GALNT18: variants seen among roughly 807,000 people sequenced by gnomAD.
GALNT18 encodes polypeptide N-acetylgalactosaminyltransferase 18, also known as GalNAc-transferase 18.
A neutral mutation model predicts 69.5 loss-of-function variants in GALNT18; 44 were observed. That is an observed-to-expected ratio of 0.63 (90% CI 0.50 to 0.81). GALNT18 has a LOEUF of 0.81. GALNT18 is among the 40% of genes least tolerant of loss of function. GALNT18 has a pLI of 0.00. For synonymous variants in GALNT18, 364 were observed against 318.2 expected (o/e 1.14, Z -1.53); for missense variants, 715 against 810.0 (o/e 0.88, Z 1.42).
chr11:11,327,181 G>C lies in GALNT18; in HGVS notation c.1417C>G (p.Leu473Val). 1 of 1,610,614 alleles carries C rather than the reference G, an allele frequency of 6.2e-7. No individual in the cohort carries two copies. The highest frequency in any genetic ancestry group is 1.1e-5 in the South Asian group (1 of 90,994). ...AAATCAGTCTTCAGAGAATTCTGCAGCTGAACATCAGAGAACAGATGGCCA... is the reference window on the plus strand; with the variant it reads ...AAATCAGTCTTCAGAGAATTCTGCACCTGAACATCAGAGAACAGATGGCCA... ...MYSDIIAYGVLQNSLKTDLCL... is the reference protein window; with the variant it reads ...MYSDIIAYGVVQNSLKTDLCL... The change falls in exon 9 of 11, where the codon CTG becomes GTG. Residue 473 changes from leucine to valine, a missense_variant and splice_region_variant. By Grantham distance (32) the Leu-to-Val change is conservative (BLOSUM62 1). Transcript: ENST00000227756.
In GALNT18 at chr11:11,352,084, C is replaced by T. The variant is rs74507390; in HGVS notation, c.1093-11080G>A. On this transcript the variant is annotated intron_variant, in intron 6 of 10. Coordinates refer to ENST00000227756, the MANE Select transcript of GALNT18 (RefSeq NM_198516.3). ...CCTGACATCACATTGGCGCTGCTGA[C>T]GGGCGTACTGCCCCCTGGCATGCTA... The T allele has an allele frequency of 7.1e-3, 11,526 of 1,613,524 alleles. 668 individuals are homozygous for T. The African/African-American group carries it at 0.13, about 19-fold the overall frequency.
intron 1 of GALNT18, among the ~76,000 whole-genome samples, chr11:11,514,189 T>C (rs1213416668): frequency 1.3e-5 from 2 of 152,236 alleles, no homozygotes; most frequent in East Asian, 3.8e-4. Flanking sequence ...AAGTCACTTA[T>C]CTAAGTCACA....
intron 10 of GALNT18, among the ~76,000 whole-genome samples, chr11:11,292,379 G>C (rs1280872540): frequency 6.6e-6 from 1 of 152,134 alleles, no homozygotes; most frequent in Non-Finnish European, 1.5e-5. Context: ...GCTACTAGGG[G>C]CCAGTGAAGA....
chr11:11,531,930 G>A (rs916048128), intron 1 of GALNT18, among the ~76,000 whole-genome samples: 2 of 152,194 alleles, frequency 1.3e-5, no homozygotes, highest in Non-Finnish European at 2.9e-5. Context: ...GCACGTGTGT[G>A]TGAGTGCAGG....
rs2133782621 is a variant in GALNT18 at position 11,425,606 on chromosome 11, G to A, written c.595+7015C>T. Among the ~76,000 whole-genome samples, 3 of 151,862 alleles carry A rather than the reference G, an allele frequency of 2.0e-5. No individual in the cohort carries two copies. In the South Asian group the frequency reaches 6.2e-4, roughly 32 times the overall value. ...AAAAAGGAAGCAGAAACTGACTACA[G>A]CAAAGAAAACTTTTTTTTTTTCCCC... On this transcript the variant is annotated intron_variant, in intron 3 of 10. Coordinates refer to ENST00000227756, the MANE Select transcript of GALNT18 (RefSeq NM_198516.3).
chr11:11,397,194 G>C (rs1024538498), intron 3 of GALNT18, among the ~76,000 whole-genome samples: 1 of 152,148 alleles, frequency 6.6e-6, no homozygotes, highest in Non-Finnish European at 1.5e-5. Context: ...CACCCACAAA[G>C]AATTGAGTGG....
chr11:11,279,654 A>T (rs994273917), intron 10 of GALNT18, among the ~76,000 whole-genome samples: 1 of 152,164 alleles, frequency 6.6e-6, no homozygotes, highest in Non-Finnish European at 1.5e-5. Flanking sequence ...AATACAAACA[A>T]ACATTATTCT....
chr11:11,316,671 A>G (rs1015952948), intron 9 of GALNT18, among the ~76,000 whole-genome samples: 2 of 152,224 alleles, frequency 1.3e-5, no homozygotes, highest in Admixed American at 6.5e-5. Flanking sequence ...TTTCCATAGA[A>G]AAAGCACTCC....
chr11:11,605,382 A>G lies in GALNT18; in HGVS notation c.235+15977T>C, dbSNP rs985395215. Among the ~76,000 whole-genome samples the G allele has an allele frequency of 6.6e-6, 1 of 152,184 alleles. No individual in the cohort carries two copies. Among genetic ancestry groups the G allele is most frequent in the Non-Finnish European group, 1.5e-5 (1 of 68,042 alleles). ...TCTCTCAGCTCCCTCTCCTCACTGC[A>G]GACCTTTCCCGACACCTGTCTCCTG... On this transcript the variant is annotated intron_variant, in intron 1 of 10. Coordinates refer to ENST00000227756, the MANE Select transcript of GALNT18 (RefSeq NM_198516.3). The surrounding 1 kb of genome is among the most constrained non-coding windows in gnomAD (Gnocchi z 4.7).
At position 11,596,086 on chromosome 11, in the gene GALNT18, T is replaced by A. The variant is rs528904752; in HGVS notation, c.235+25273A>T. ...TGGATAGAGTGAGATGGGGGACAAC[T>A]TTATTCTTAACATGTAGATATCCAG... On this transcript the variant is annotated intron_variant, in intron 1 of 10. Coordinates refer to ENST00000227756, the MANE Select transcript of GALNT18 (RefSeq NM_198516.3). This position sits in a 1 kb window ranked among gnomAD's most constrained non-coding sequence, Gnocchi z 4.2. 6.6e-6 allele frequency among the ~76,000 whole-genome samples: 1 copy of A among 152,304 alleles called. No homozygotes were observed. Among genetic ancestry groups the A allele is most frequent in the East Asian group, 1.9e-4 (1 of 5,182 alleles).
chr11:11,369,026 C>G (rs1198727402), intron 6 of GALNT18, among the ~76,000 whole-genome samples: 2 of 152,208 alleles, frequency 1.3e-5, no homozygotes, highest in Non-Finnish European at 2.9e-5. Context: ...GGAGTCCCAG[C>G]TTTATGGGAA....
chr11:11,533,257 C>G (rs1857695877), intron 1 of GALNT18, among the ~76,000 whole-genome samples: 1 of 152,116 alleles, frequency 6.6e-6, no homozygotes, highest in African/African-American at 2.4e-5. Context: ...CTCAGGGCGC[C>G]CTATTAGTGA....
Position 11,293,079 on chromosome 11 carries a change from A to AT in GALNT18, c.1626dup (p.Cys543MetfsTer27), listed in dbSNP as rs1849331660. The stretch of plus-strand genomic sequence containing the variant: ...ATCCTCTTGGCTTTGGCGTAGCTGC[A>AT]TTCGATGAGCCGGGGCCGGCTGTTG... On this transcript the variant is annotated frameshift_variant, in exon 10 of 11. Coordinates refer to ENST00000227756, the MANE Select transcript of GALNT18 (RefSeq NM_198516.3). LOFTEE classifies it high-confidence loss of function. 2 of 1,389,538 alleles carry AT rather than the reference A, an allele frequency of 1.4e-6. No homozygotes were observed. The allele number at this position is 1,389,538 out of a possible 1,614,324, so 86.1% of individuals were successfully genotyped here. A position where few individuals can be genotyped will look rare whatever the true frequency, so the allele number is the denominator to read the frequency against.
rs1011116401 is a variant in GALNT18, at chr11:11,587,031, C to T, written c.235+34328G>A. Among the ~76,000 whole-genome samples, 2 of 151,874 alleles carry T rather than the reference C, an allele frequency of 1.3e-5. No homozygotes were observed. Among genetic ancestry groups the T allele is most frequent in the Non-Finnish European group, 2.9e-5 (2 of 68,006 alleles). On this transcript the variant is annotated intron_variant, in intron 1 of 10. Transcript: ENST00000227756. The surrounding 1 kb of genome is among the most constrained non-coding windows in gnomAD (Gnocchi z 4.4). ...AAATAAATAAACTCAAATTTCCTCC[C>T]ATTTTAGAAAAAGCTGCTTTCCCAA...
In GALNT18 at chr11:11,358,826, AACACAC is replaced by A. The variant is rs10644506; in HGVS notation, c.1092+13683_1092+13688del. Among the ~76,000 whole-genome samples the A allele has an allele frequency of 5.0e-4, 55 of 110,902 alleles. 6 individuals carry two copies. Among genetic ancestry groups the A allele is most frequent in the African/African-American group, 9.7e-4 (28 of 28,838 alleles). 72.8% of individuals were successfully genotyped at this position (110,902 alleles called of 152,430 possible). A position where few individuals can be genotyped will look rare whatever the true frequency, so the allele number is the denominator to read the frequency against. On this transcript the variant is annotated intron_variant, in intron 6 of 10. Coordinates refer to ENST00000227756, the MANE Select transcript of GALNT18 (RefSeq NM_198516.3). ...AAGCTAACAGCCCCAATCCACACAAAACACACACACACACACACACACACACACACA... is the reference window on the plus strand; with the variant it reads ...AAGCTAACAGCCCCAATCCACACAAAACACACACACACACACACACACACA...
intron 10 of GALNT18, among the ~76,000 whole-genome samples, chr11:11,280,731 C>T (rs767603162): frequency 6.6e-6 from 1 of 152,192 alleles, no homozygotes; most frequent in African/African-American, 2.4e-5. Flanking sequence ...AGGGTCACTG[C>T]CTCACTTATA....
chr11:11,401,167 G>C (rs1408090248), intron 3 of GALNT18, among the ~76,000 whole-genome samples: 2 of 152,098 alleles, frequency 1.3e-5, no homozygotes, highest in African/African-American at 4.8e-5. Context: ...CATTCCGTCA[G>C]GAAAAAGGAT....
At chr11:11,342,913 C>T (rs1025789414) in intron 6 of GALNT18, among the ~76,000 whole-genome samples, 1 of 152,166 alleles carries the variant, frequency 6.6e-6, no homozygotes, top group Non-Finnish European at 1.5e-5. Context: ...TTACATGCAA[C>T]GTGCTTAAAA....
chr11:11,317,751 T>C (rs750015131), intron 9 of GALNT18, among the ~76,000 whole-genome samples: 4 of 152,238 alleles, frequency 2.6e-5, no homozygotes, highest in Non-Finnish European at 5.9e-5. Context: ...CTTGTCAATT[T>C]TTGTTTTTTA....
Sources: gnomAD v4.1 joint callset for allele counts (sites outside exome capture counted in the v4.1 genomes callset) on GRCh38, gnomAD v4.1.1 for gene constraint, Gnocchi (gnomAD v3.1) non-coding constraint, MANE v1.5 for transcripts, NCBI Gene and HGNC (gene_info 2026-07-23, HGNC 2026-07-21) for gene names.